FEZ1: variants seen among roughly 807,000 people sequenced by gnomAD.
FEZ1 encodes the protein fasciculation and elongation protein zeta 1.
In FEZ1, 20 loss-of-function variants were observed where a neutral mutation model predicts 49.3. The observed-to-expected ratio is 0.41, with a 90% CI of 0.29 to 0.59. FEZ1 has a LOEUF of 0.59. FEZ1 is among the 20% of genes least tolerant of loss of function. The pLI is 0.36. For synonymous variants in FEZ1, 170 were observed against 180.9 expected (o/e 0.94, Z 0.48); for missense variants, 413 against 476.0 (o/e 0.87, Z 1.23).
In FEZ1 at chr11:125,445,287, G is replaced by A. The variant is rs547190901; in HGVS notation, c.*808C>T. Among the ~76,000 whole-genome samples the A allele has an allele frequency of 5.9e-5, 9 of 152,318 alleles. No individual in the cohort carries two copies. In the South Asian group the frequency reaches 1.2e-3, roughly 21 times the overall value. ...CAGGAAACAAGTTGCAGTCCCCTAC[G>A]TTGGGAAAGCTCAGCAGAGCTGACT... On this transcript the variant is annotated 3_prime_UTR_variant, in exon 10 of 10. Transcript: ENST00000278919. This position sits in a 1 kb window ranked among gnomAD's most constrained non-coding sequence, Gnocchi z 4.4.
Position 125,495,369 on chromosome 11 carries a change from GA to G in FEZ1, c.-46+751del, listed in dbSNP as rs1375825556. On this transcript the variant is annotated intron_variant, in intron 1 of 9. Transcript: ENST00000278919. This position sits in a 1 kb window ranked among gnomAD's most constrained non-coding sequence, Gnocchi z 4.2. ...GAGAGAAGGGATAGGCAAAAGGGAAGAAGAGCGGGCTGTGATACCTCCTCGA... is the reference window on the plus strand; with the variant it reads ...GAGAGAAGGGATAGGCAAAAGGGAAGAGAGCGGGCTGTGATACCTCCTCGA... The G allele has an allele frequency of 4.3e-6, 2 of 470,420 alleles. No individual in the cohort carries two copies. The highest frequency in any genetic ancestry group is 4.4e-6 in the Non-Finnish European group (1 of 226,698). 29.1% of individuals were successfully genotyped at this position (470,420 alleles called of 1,614,324 possible). A position where few individuals can be genotyped will look rare whatever the true frequency, so the allele number is the denominator to read the frequency against.
rs1422308017 is a variant in FEZ1 at position 125,489,718 on chromosome 11, C to T, written c.60G>A (p.Ser20=). 1.1e-5 allele frequency: 18 copies of T among 1,605,120 alleles called. No individual in the cohort carries two copies. In the African/African-American group the frequency reaches 1.3e-4, roughly 12 times the overall value. ...EEFEDLRPSC[S]EDPEEKPQCF... The stretch of plus-strand genomic sequence containing the variant: ...ACTGGGGCTTCTCCTCCGGGTCCTC[C>T]GAGCAGGAGGGTCGAAGGTCCTCAA... Residue 20 remains serine (S), a synonymous_variant, in exon 2 of 10, where the codon TCG becomes TCA. Transcript: ENST00000278919. The surrounding 1 kb of genome is among the most constrained non-coding windows in gnomAD (Gnocchi z 4.2).
chr11:125,469,290 C>T (rs1418672428), intron 3 of FEZ1: 2 of 152,416 alleles, frequency 1.3e-5, no homozygotes, highest in African/African-American at 4.8e-5. Flanking sequence ...CAAGGGTTTC[C>T]CTCTGTCACC....
At chr11:125,473,763 G>A (rs556817262) in intron 3 of FEZ1, among the ~76,000 whole-genome samples, 1 of 148,846 alleles carries the variant, frequency 6.7e-6, no homozygotes, top group South Asian at 2.1e-4. Context: ...AGGCTGCAGT[G>A]AGCCAATATT....
chr11:125,489,430 T>C lies in FEZ1; in HGVS notation c.311+37A>G, dbSNP rs772401001. 1 of 1,574,012 alleles carries C rather than the reference T, an allele frequency of 6.4e-7. No homozygotes were observed. The highest frequency in any genetic ancestry group is 1.2e-5 in the South Asian group (1 of 83,002). On this transcript the variant is annotated intron_variant, in intron 2 of 9. Coordinates refer to ENST00000278919, the MANE Select transcript of FEZ1 (RefSeq NM_005103.5). This position sits in a 1 kb window ranked among gnomAD's most constrained non-coding sequence, Gnocchi z 4.2. ...CAAGGAGACAAGGACTACAGGGCTC[T>C]CGACTGAAGCAGGAGAGGGCAATTA...
rs1555177854 is a variant in FEZ1, at chr11:125,449,441, A to AAG, written c.1097-875_1097-874insCT. ...ATAAAAAAAAAAAAAAAAAAAAAAA[A>AAG]AAGAAGAAGAGGAAGAAAAGAAAAA... is the stretch of plus-strand genomic sequence containing the variant. On this transcript the variant is annotated intron_variant, in intron 8 of 9. Coordinates refer to ENST00000278919, the MANE Select transcript of FEZ1 (RefSeq NM_005103.5). Among the ~76,000 whole-genome samples, 55 of 128,264 alleles carry AAG rather than the reference A, an allele frequency of 4.3e-4. 4 individuals are homozygous for AAG. The highest frequency in any genetic ancestry group is 2.7e-3 in the South Asian group (10 of 3,752). 84.1% of individuals were successfully genotyped at this position (128,264 alleles called of 152,430 possible).
chr11:125,468,896 A>G (rs1241525279), intron 3 of FEZ1, among the ~76,000 whole-genome samples: 2 of 152,178 alleles, frequency 1.3e-5, no homozygotes, highest in Non-Finnish European at 2.9e-5. Flanking sequence ...ATAAAAAGGG[A>G]CTGCATCCTC....
In FEZ1 at chr11:125,496,215, A is replaced by C. The variant is rs934047955; in HGVS notation, c.-140T>G. On this transcript the variant is annotated 5_prime_UTR_variant, in exon 1 of 10. Transcript: ENST00000278919. ...GAGCGGCCGGAGCGCAGCGCAGCGC[A>C]GCGGAGAGCCAGCCAGCCAGCCAGC... The C allele has an allele frequency of 6.6e-6, 1 of 152,236 alleles. No individual in the cohort carries two copies. Among genetic ancestry groups the C allele is most frequent in the Non-Finnish European group, 1.5e-5 (1 of 68,658 alleles). 9.4% of individuals were successfully genotyped at this position (152,236 alleles called of 1,614,324 possible).
intron 1 of FEZ1, among the ~76,000 whole-genome samples, chr11:125,494,365 C>T (rs966143249): frequency 6.6e-6 from 1 of 152,118 alleles, no homozygotes; most frequent in Non-Finnish European, 1.5e-5. Flanking sequence ...TTTCTTTCGC[C>T]CTCCTCTCTT....
Position 125,493,496 on chromosome 11 carries a change from A to AGG in FEZ1, c.-46+2624_-46+2625insCC, listed in dbSNP as rs1565307313. Among the ~76,000 whole-genome samples, 2 of 110,680 alleles carry AGG rather than the reference A, an allele frequency of 1.8e-5. 1 individual carries two copies. The highest frequency in any genetic ancestry group is 3.7e-5 in the Non-Finnish European group (2 of 53,816). The allele number at this position is 110,680 out of a possible 152,430, so 72.6% of individuals were successfully genotyped here. On this transcript the variant is annotated intron_variant, in intron 1 of 9. Coordinates refer to ENST00000278919, the MANE Select transcript of FEZ1 (RefSeq NM_005103.5). Reference sequence around the variant, plus strand: ...AAGGAAAGAAGGAAAGAAGGAAAGAAAGAAAGAAAGAGAGAAAGAAAGAAA... The same window carrying AGG: ...AAGGAAAGAAGGAAAGAAGGAAAGAAGGAGAAAGAAAGAGAGAAAGAAAGAAA...
At position 125,460,573 on chromosome 11, in the gene FEZ1, AG is replaced by A. The variant is rs1957065082; in HGVS notation, c.591del (p.Ser198ProfsTer14). On this transcript the variant is annotated frameshift_variant, in exon 5 of 10. Transcript: ENST00000278919. LOFTEE classifies it high-confidence loss of function. ...TGCAGGAGGACCGAGTCTGCCTGGG[AG>A]GAAGTTTCTCCTCCATCCTCTTCTT... The part of the protein sequence containing the change: ...VLEEEDGGET[S>X]SQADSVLLQE... The A allele has an allele frequency of 6.2e-7, 1 of 1,614,012 alleles. No homozygotes were observed. The highest frequency in any genetic ancestry group is 1.7e-5 in the Admixed American group (1 of 59,992).
intron 5 of FEZ1, among the ~76,000 whole-genome samples, chr11:125,459,691 A>G (rs1565534529): frequency 6.6e-6 from 1 of 152,244 alleles, no homozygotes; most frequent in Admixed American, 6.5e-5. Context: ...TCTCATTTCT[A>G]ATCATATTTC....
rs940880252 is a variant in FEZ1 at position 125,443,688 on chromosome 11, A to G, written c.*2407T>C. 6.6e-6 allele frequency among the ~76,000 whole-genome samples: 1 copy of G among 152,190 alleles called. No homozygotes were observed. The highest frequency in any genetic ancestry group is 2.4e-5 in the African/African-American group (1 of 41,454). On this transcript the variant is annotated 3_prime_UTR_variant, in exon 10 of 10. Coordinates refer to ENST00000278919, the MANE Select transcript of FEZ1 (RefSeq NM_005103.5). ...AGCACACTTTGAATAGGAAGAACAC[A>G]GGGAAGGGCAATGCAAAACCATGAG...
intron 8 of FEZ1, among the ~76,000 whole-genome samples, chr11:125,449,837 T>G (rs1956937334): frequency 6.6e-6 from 1 of 152,196 alleles, no homozygotes; most frequent in South Asian, 2.1e-4. Flanking sequence ...GTAATGAAAC[T>G]TGAATCCAAG....
intron 1 of FEZ1, among the ~76,000 whole-genome samples, chr11:125,493,432 A>G (rs946506820): frequency 5.3e-5 from 2 of 37,750 alleles, no homozygotes; most frequent in African/African-American, 4.4e-4. Context: ...GAAGGAAAGA[A>G]GGAAAGAAGG....
intron 5 of FEZ1, 128 bp from the exon 6 acceptor site, chr11:125,456,234 G>T: frequency 1.1e-6 from 1 of 918,610 alleles, no homozygotes; most frequent in Non-Finnish European, 1.6e-6. Flanking sequence ...ACTCCTTAAA[G>T]ATCCAAGAAA....
intron 9 of FEZ1, 106 bp downstream of exon 9, chr11:125,448,396 C>A (rs1264915645): frequency 1.2e-5 from 9 of 728,532 alleles, no homozygotes; most frequent in Non-Finnish European, 2.2e-5. Context: ...ATTTCCCTGG[C>A]CCCTGCCTGG....
At chr11:125,475,551 C>T (rs1021058692) in intron 3 of FEZ1, among the ~76,000 whole-genome samples, 2 of 151,602 alleles carry the variant, frequency 1.3e-5, no homozygotes, top group Non-Finnish European at 1.5e-5. Context: ...AATGGACACA[C>T]GGAAGGGAAC....
At position 125,495,274 on chromosome 11, in the gene FEZ1, C is replaced by CCA. The variant is rs1370471890; in HGVS notation, c.-46+845_-46+846dup. On this transcript the variant is annotated intron_variant, in intron 1 of 9. Transcript: ENST00000278919. The surrounding 1 kb of genome is among the most constrained non-coding windows in gnomAD (Gnocchi z 4.2). Reference sequence around the variant, plus strand: ...ATCCCGTGCAGGCCGCATACACACTCCACTGCCCTTCCGGCCAAACAAGCC... The same window carrying CCA: ...ATCCCGTGCAGGCCGCATACACACTCCACACTGCCCTTCCGGCCAAACAAGCC... 1 of 432,270 alleles carries CCA rather than the reference C, an allele frequency of 2.3e-6. No individual in the cohort carries two copies. The highest frequency in any genetic ancestry group is 4.9e-6 in the Non-Finnish European group (1 of 205,854). The allele number at this position is 432,270 out of a possible 1,614,324, so 26.8% of individuals were successfully genotyped here. A position where few individuals can be genotyped will look rare whatever the true frequency, so the allele number is the denominator to read the frequency against.
Sources: allele counts gnomAD v4.1 joint callset (sites outside exome capture counted in the v4.1 genomes callset), GRCh38; gene constraint gnomAD v4.1.1; non-coding constraint Gnocchi (gnomAD v3.1); transcripts MANE v1.5; gene names NCBI Gene and HGNC (gene_info 2026-07-23, HGNC 2026-07-21).